MYO1D: variants seen among roughly 807,000 people sequenced by gnomAD.
MYO1D encodes unconventional myosin-Id.
In MYO1D, 83 loss-of-function variants were observed where a neutral mutation model predicts 122.0. That is an observed-to-expected ratio of 0.68 (90% CI 0.57 to 0.82). The LOEUF (loss-of-function observed/expected upper bound fraction) is 0.82, where lower values mean the gene tolerates loss of function less well. Among genes scored for constraint, MYO1D ranks in the 40% least tolerant of loss-of-function variants. MYO1D has a pLI of 0.00. For synonymous variants in MYO1D, 464 were observed against 446.9 expected, an observed-to-expected ratio of 1.04 and a Z score of -0.48; for missense variants, 1,157 against 1,269.5, an observed-to-expected ratio of 0.91 and a Z score of 1.35.
intron 16 of MYO1D, among the ~76,000 whole-genome samples, chr17:32,662,621 T>A (rs1009897577): frequency 1.3e-5 from 2 of 151,668 alleles, no homozygotes; most frequent in African/African-American, 4.8e-5. Flanking sequence ...TGCAGTGAGC[T>A]GAGATCGCAC....
intron 1 of MYO1D, among the ~76,000 whole-genome samples, chr17:32,826,600 A>G (rs1459292926): frequency 6.6e-6 from 1 of 152,262 alleles, no homozygotes; most frequent in South Asian, 2.1e-4. Flanking sequence ...AATGTAATTT[A>G]TACAGGTGAC....
chr17:32,670,437 TGAGA>T (rs945753792), intron 16 of MYO1D, among the ~76,000 whole-genome samples: 21 of 150,778 alleles, frequency 1.4e-4, no homozygotes, highest in Admixed American at 2.6e-4. Context: ...ATATACAGAT[TGAGA>T]GAGAGAGAGA....
intron 1 of MYO1D, among the ~76,000 whole-genome samples, chr17:32,812,229 G>A (rs2090578331): frequency 6.6e-6 from 1 of 152,142 alleles, no homozygotes; most frequent in Non-Finnish European, 1.5e-5. Flanking sequence ...TTCAAGAATT[G>A]GTACAGAAGG....
At chr17:32,644,034 C>T (rs973567687) in intron 19 of MYO1D, among the ~76,000 whole-genome samples, 6 of 152,072 alleles carry the variant, frequency 3.9e-5, no homozygotes, top group Non-Finnish European at 8.8e-5. Flanking sequence ...ATCTTTCCTG[C>T]TTTCTCTTGT....
chr17:32,645,260 T>C (rs2088271353), intron 19 of MYO1D, among the ~76,000 whole-genome samples: 1 of 152,252 alleles, frequency 6.6e-6, no homozygotes, highest in Non-Finnish European at 1.5e-5. Context: ...TTCTGGCTTG[T>C]AGAGTTTCTG....
chr17:32,829,964 T>C (rs188812928), intron 1 of MYO1D, among the ~76,000 whole-genome samples: 84 of 152,282 alleles, frequency 5.5e-4, no homozygotes, highest in Non-Finnish European at 1.0e-3. Context: ...TCCAGGTAAC[T>C]GAAGCTTAGC....
rs146421557 is a variant in MYO1D at position 32,625,282 on chromosome 17, T to TGA, written c.2709+13438_2709+13439dup. The stretch of plus-strand genomic sequence containing the variant: ...GACTTAAATAGATAAATAAAGAAAA[T>TGA]GAGAGAGAGAGAGAGAGCAACTTTG... On this transcript the variant is annotated intron_variant, in intron 20 of 21. Transcript: ENST00000318217. 1.3e-4 allele frequency among the ~76,000 whole-genome samples: 20 copies of TGA among 150,240 alleles called. No homozygotes were observed. In the South Asian group the frequency reaches 1.7e-3, roughly 13 times the overall value.
intron 16 of MYO1D, among the ~76,000 whole-genome samples, chr17:32,672,251 G>C (rs938406424): frequency 9.9e-5 from 15 of 152,166 alleles, no homozygotes; most frequent in African/African-American, 3.6e-4. Context: ...TGATAAAACT[G>C]TATCTTAGCT....
At chr17:32,634,309 AG>A (rs1192039776) in intron 20 of MYO1D, among the ~76,000 whole-genome samples, 2 of 152,126 alleles carry the variant, frequency 1.3e-5, no homozygotes, top group Non-Finnish European at 2.9e-5. Context: ...AACTCTCAAG[AG>A]GGGGTGTGCA....
intron 4 of MYO1D, among the ~76,000 whole-genome samples, chr17:32,774,248 C>G (rs2090152432): frequency 6.6e-6 from 1 of 152,188 alleles, no homozygotes; most frequent in Non-Finnish European, 1.5e-5. Context: ...GTTAAATATC[C>G]TAAAGACCCC....
At chr17:32,694,827 A>AC (rs1200218702) in intron 16 of MYO1D, among the ~76,000 whole-genome samples, 1 of 151,204 alleles carries the variant, frequency 6.6e-6, no homozygotes, top group African/African-American at 2.4e-5. Context: ...AACACATCAT[A>AC]CCCCACACTA....
chr17:32,716,034 A>C (rs1033284250), intron 15 of MYO1D, among the ~76,000 whole-genome samples: 15 of 151,582 alleles, frequency 9.9e-5, no homozygotes, highest in African/African-American at 3.2e-4. Context: ...TTCTGCATAC[A>C]TCAGTCAGAG....
At chr17:32,545,721 T>C (rs1324456578) in intron 21 of MYO1D, among the ~76,000 whole-genome samples, 1 of 152,060 alleles carries the variant, frequency 6.6e-6, no homozygotes, top group Non-Finnish European at 1.5e-5. Context: ...AAATTTTATA[T>C]GCAATTCGCC....
Position 32,494,685 on chromosome 17 carries a change from T to G in MYO1D, c.*74A>C. On this transcript the variant is annotated 3_prime_UTR_variant, in exon 22 of 22. Coordinates refer to ENST00000318217, the MANE Select transcript of MYO1D (RefSeq NM_015194.3). The stretch of plus-strand genomic sequence containing the variant: ...GCAGCAGGTTTCTAGCGGGCATGGG[T>G]TGGGAGGCAGCAGCTGGACTGGGAC... 6.8e-7 allele frequency: 1 copy of G among 1,471,862 alleles called. No homozygotes were observed. The highest frequency in any genetic ancestry group is 9.1e-7 in the Non-Finnish European group (1 of 1,103,776). The allele number at this position is 1,471,862 out of a possible 1,614,324, so 91.2% of individuals were successfully genotyped here.
intron 1 of MYO1D, among the ~76,000 whole-genome samples, chr17:32,828,447 C>T (rs1407002137): frequency 7.5e-6 from 1 of 134,000 alleles, no homozygotes; most frequent in Non-Finnish European, 1.5e-5. Flanking sequence ...ACCAGGGAGG[C>T]GGAGCTTGCA....
intron 17 of MYO1D, among the ~76,000 whole-genome samples, chr17:32,655,408 G>A (rs1216794080): frequency 3.9e-5 from 6 of 152,156 alleles, no homozygotes; most frequent in Non-Finnish European, 8.8e-5. Flanking sequence ...GGTAAGGCAA[G>A]GAGGACCGGG....
At chr17:32,819,467 C>T (rs2090641916) in intron 1 of MYO1D, among the ~76,000 whole-genome samples, 1 of 152,200 alleles carries the variant, frequency 6.6e-6, no homozygotes, top group Non-Finnish European at 1.5e-5. Flanking sequence ...CTGACTTGCA[C>T]ATGGCTCTGA....
At chr17:32,790,624 T>C (rs2090341281) in intron 1 of MYO1D, among the ~76,000 whole-genome samples, 1 of 152,248 alleles carries the variant, frequency 6.6e-6, no homozygotes, top group Non-Finnish European at 1.5e-5. Flanking sequence ...CAGCAACTTT[T>C]ATTCTAGAAA....
Position 32,681,640 on chromosome 17 carries a change from T to C in MYO1D, c.2122-22302A>G, listed in dbSNP as rs544098032. On this transcript the variant is annotated intron_variant, in intron 16 of 21. Transcript: ENST00000318217. ...GAAGTTTGTTATAATTCCTGTTCTT[T>C]TACATTTGCTGAGGAGAGCTTTACT... 5.1e-3 allele frequency among the ~76,000 whole-genome samples: 783 copies of C among 152,230 alleles called. 7 individuals are homozygous for C. Among genetic ancestry groups the C allele is most frequent in the African/African-American group, 0.018 (728 of 41,488 alleles).
Sources: gnomAD v4.1 joint callset for allele counts (sites outside exome capture counted in the v4.1 genomes callset) on GRCh38, gnomAD v4.1.1 for gene constraint, MANE v1.5 for transcripts, NCBI Gene and HGNC (gene_info 2026-07-23, HGNC 2026-07-21) for gene names.